NUDCD3: variants seen among roughly 807,000 people sequenced by gnomAD.
The protein encoded by NUDCD3 is NudC domain containing 3.
Under a neutral mutation model 39.7 loss-of-function variants are expected in NUDCD3, and 13 were observed. The observed-to-expected ratio is 0.33, with a 90% CI of 0.21 to 0.52. The LOEUF (loss-of-function observed/expected upper bound fraction) is 0.52. Ranked by LOEUF, NUDCD3 falls within the 20% of genes least tolerant of loss-of-function variation. The pLI is 0.96. For missense variants in NUDCD3, 453 were observed against 458.1 expected (o/e 0.99, Z 0.10); for synonymous variants, 175 against 172.4 (o/e 1.02, Z -0.12).
At chr7:44,453,613 C>T (rs1799836393) in intron 2 of NUDCD3, among the ~76,000 whole-genome samples, 1 of 152,178 alleles carries the variant, frequency 6.6e-6, no homozygotes, top group Non-Finnish European at 1.5e-5. Flanking sequence ...TGAATAGCAG[C>T]ACTTCTACTC....
intron 2 of NUDCD3, among the ~76,000 whole-genome samples, chr7:44,430,092 A>G (rs1311892027): frequency 6.6e-6 from 1 of 152,240 alleles, no homozygotes. Flanking sequence ...CTCTGATAGT[A>G]GAGTAACAGG....
intron 3 of NUDCD3, among the ~76,000 whole-genome samples, chr7:44,405,821 C>A (rs916985192): frequency 1.3e-5 from 2 of 152,124 alleles, no homozygotes; most frequent in Admixed American, 1.3e-4. Flanking sequence ...TTAAGAGACA[C>A]GGCCTCACTG....
chr7:44,427,103 G>C (rs1472036980), intron 3 of NUDCD3, among the ~76,000 whole-genome samples: 1 of 152,228 alleles, frequency 6.6e-6, no homozygotes, highest in Admixed American at 6.5e-5. Context: ...CTATGTGAAT[G>C]TATGTTAGCT....
chr7:44,414,159 T>C (rs184897761), intron 3 of NUDCD3, among the ~76,000 whole-genome samples: 275 of 152,348 alleles, frequency 1.8e-3, no homozygotes, highest in Middle Eastern at 3.4e-3. Context: ...TTAAAGGGCA[T>C]TGTTTTATTG....
At chr7:44,427,427 C>CTCAT in intron 3 of NUDCD3, 144 bp downstream of exon 3, 1 of 875,294 alleles carries the variant, frequency 1.1e-6, no homozygotes, top group Non-Finnish European at 1.7e-6. Context: ...GTGTGCTCAG[C>CTCAT]TCATTCCGAG....
chr7:44,459,240 C>T (rs755241282), intron 2 of NUDCD3, among the ~76,000 whole-genome samples: 3 of 150,542 alleles, frequency 2.0e-5, no homozygotes, highest in Non-Finnish European at 4.4e-5. Flanking sequence ...CACTTGGTTG[C>T]CCAGGCTGAG....
At chr7:44,401,617 G>A (rs774026366) in intron 4 of NUDCD3, among the ~76,000 whole-genome samples, 8 of 152,212 alleles carry the variant, frequency 5.3e-5, no homozygotes, top group Non-Finnish European at 1.2e-4. Context: ...GGAACCATGG[G>A]AAAGAACTCA....
intron 2 of NUDCD3, among the ~76,000 whole-genome samples, chr7:44,436,289 C>G (rs1799462372): frequency 6.6e-6 from 1 of 151,848 alleles, no homozygotes; most frequent in Non-Finnish European, 1.5e-5. Context: ...AAAACAAAAC[C>G]AAAAGTCTGA....
At chr7:44,438,944 A>G (rs141982681) in intron 2 of NUDCD3, among the ~76,000 whole-genome samples, 2 of 152,164 alleles carry the variant, frequency 1.3e-5, no homozygotes, top group South Asian at 4.1e-4. Flanking sequence ...TATCACATTC[A>G]TAGAAAAGGA....
chr7:44,470,437 AGCT>A (rs1800231538), intron 2 of NUDCD3, among the ~76,000 whole-genome samples: 1 of 152,200 alleles, frequency 6.6e-6, no homozygotes, highest in Non-Finnish European at 1.5e-5. Context: ...TATAGGACAG[AGCT>A]GCCTACACGC....
chr7:44,473,307 T>C (rs1432711660), intron 2 of NUDCD3, among the ~76,000 whole-genome samples: 1 of 152,192 alleles, frequency 6.6e-6, no homozygotes, highest in Non-Finnish European at 1.5e-5. Context: ...CATTTTAACG[T>C]AGCGGAGAAT....
At chr7:44,427,844 GCAA>G in intron 2 of NUDCD3, 141 bp from the exon 3 acceptor site, 2 of 777,460 alleles carry the variant, frequency 2.6e-6, no homozygotes, top group Non-Finnish European at 4.0e-6. Context: ...TCTGGCATCT[GCAA>G]ACTCCTCTTC....
intron 2 of NUDCD3, among the ~76,000 whole-genome samples, chr7:44,461,019 TA>T (rs1799998872): frequency 6.6e-6 from 1 of 152,232 alleles, no homozygotes; most frequent in Admixed American, 6.5e-5. Flanking sequence ...ACAACAGGCC[TA>T]AAAACCCGAC....
At chr7:44,461,148 T>C (rs1186476577) in intron 2 of NUDCD3, among the ~76,000 whole-genome samples, 1 of 152,158 alleles carries the variant, frequency 6.6e-6, no homozygotes, top group East Asian at 1.9e-4. Context: ...AATCCCTTCC[T>C]CCCTTCTCCT....
Position 44,490,548 on chromosome 7 carries a change from T to G in NUDCD3, c.53A>C (p.Gln18Pro). 1.9e-6 allele frequency: 3 copies of G among 1,612,416 alleles called. No homozygotes were observed. The highest frequency in any genetic ancestry group is 1.7e-6 in the Non-Finnish European group (2 of 1,179,300). The change falls in exon 1 of 6, where the codon CAG (glutamine) becomes CCG (proline). Residue 18 changes from glutamine to proline, a missense_variant. Gln to Pro is a moderately conservative substitution (Grantham distance 76). Coordinates refer to ENST00000355451, the MANE Select transcript of NUDCD3 (RefSeq NM_015332.4). ...GAAATCCTGGACGTTGCCCACGTGC[T>G]GCAGGATGCCCAAAAGGGCCTGGTC... ...LYDQALLGIL[Q>P]HVGNVQDFLR...
chr7:44,401,318 G>A (rs554408696), intron 4 of NUDCD3, among the ~76,000 whole-genome samples: 1 of 152,316 alleles, frequency 6.6e-6, no homozygotes, highest in Non-Finnish European at 1.5e-5. Context: ...GTAATCAGAG[G>A]AAACAATGTG....
intron 2 of NUDCD3, among the ~76,000 whole-genome samples, chr7:44,441,712 C>A (rs757007733): frequency 2.0e-5 from 3 of 152,130 alleles, no homozygotes; most frequent in Non-Finnish European, 4.4e-5. Flanking sequence ...GCCCAGGTAA[C>A]CTTACTGTTG....
At chr7:44,483,163 T>C (rs1220250016) in intron 2 of NUDCD3, among the ~76,000 whole-genome samples, 2 of 152,004 alleles carry the variant, frequency 1.3e-5, no homozygotes, top group African/African-American at 4.8e-5. Context: ...CTTAATCAAA[T>C]TGCTCAAACT....
chr7:44,490,564 G>C lies in NUDCD3; in HGVS notation c.37C>G (p.Leu13Val), dbSNP rs373111430. 1 of 1,611,948 alleles carries C rather than the reference G, an allele frequency of 6.2e-7. No homozygotes were observed. Among genetic ancestry groups the C allele is most frequent in the African/African-American group, 1.3e-5 (1 of 74,996 alleles). The change falls in exon 1 of 6, where the codon CTT becomes GTT. Residue 13 changes from leucine to valine, a missense_variant. Leu to Val is a conservative substitution (Grantham distance 32). Coordinates refer to ENST00000355451, the MANE Select transcript of NUDCD3 (RefSeq NM_015332.4). The stretch of plus-strand genomic sequence containing the variant: ...CCCACGTGCTGCAGGATGCCCAAAA[G>C]GGCCTGGTCATACAGCTCGGCCGCC... ...TGAAELYDQA[L>V]LGILQHVGNV...
Sources: gnomAD v4.1 joint callset for allele counts (sites outside exome capture counted in the v4.1 genomes callset) on GRCh38, gnomAD v4.1.1 for gene constraint, MANE v1.5 for transcripts, NCBI Gene and HGNC (gene_info 2026-07-23, HGNC 2026-07-21) for gene names.